The following ZSCAN4 variants were observed in gnomAD, a reference collection of about 807,000 sequenced individuals.
ZSCAN4 encodes zinc finger and SCAN domain-containing protein 4.
In ZSCAN4, 18 loss-of-function variants were observed where a neutral mutation model predicts 18.3. The observed-to-expected ratio is 0.98, with a 90% CI of 0.68 to 1.46. The LOEUF (loss-of-function observed/expected upper bound fraction) is 1.46. ZSCAN4 is among the 40% of genes most tolerant of loss of function. The pLI, the probability that ZSCAN4 is intolerant of heterozygous loss-of-function variation, is 0.00. For synonymous variants in ZSCAN4, 193 were observed against 180.3 expected (o/e 1.07, Z -0.57); for missense variants, 498 against 511.4 (o/e 0.97, Z 0.25).
At chr19:57,662,628 G>C in the ZSCAN4 span, among the ~76,000 whole-genome samples, 1,248 of 152,140 alleles carry the variant, frequency 8.2e-3, 13 homozygotes, top group African/African-American at 0.028. Flanking sequence ...GTGGCACAAT[G>C]TCAGCTCACT....
At chr19:57,667,866 A>T (rs10403851), upstream of ZSCAN4, among the ~76,000 whole-genome samples, 18 of 150,862 alleles carry the variant, frequency 1.2e-4, no homozygotes, top group African/African-American at 4.1e-4. Context: ...CATTGTCTAC[A>T]TTTTTCATTG....
intron 3 of ZSCAN4, among the ~76,000 whole-genome samples, chr19:57,677,339 G>A (rs1451430128): frequency 1.3e-5 from 2 of 152,148 alleles, no homozygotes; most frequent in Admixed American, 1.3e-4. Flanking sequence ...AGGTGAGGTT[G>A]AACAAGGCCA....
the ZSCAN4 span, among the ~76,000 whole-genome samples, chr19:57,654,892 C>T: frequency 6.6e-6 from 1 of 152,206 alleles, no homozygotes; most frequent in East Asian, 1.9e-4. Context: ...GACAGGCCCT[C>T]ACCAGGGACC....
intron 2 of ZSCAN4, among the ~76,000 whole-genome samples, chr19:57,675,175 T>G (rs1359684450): frequency 7.5e-6 from 1 of 133,308 alleles, no homozygotes; most frequent in Non-Finnish European, 1.5e-5. Flanking sequence ...TGAGACGGAG[T>G]CTTGCTCTGT....
chr19:57,673,830 T>C (rs1380522660), intron 2 of ZSCAN4, among the ~76,000 whole-genome samples: 1 of 152,158 alleles, frequency 6.6e-6, no homozygotes, highest in East Asian at 1.9e-4. Context: ...CTCAACTCAC[T>C]GCAACCTCTG....
chr19:57,667,353 T>C (rs1038831073), upstream of ZSCAN4, among the ~76,000 whole-genome samples: 7 of 152,182 alleles, frequency 4.6e-5, no homozygotes, highest in Non-Finnish European at 2.9e-5. Context: ...GCCTTCTTAA[T>C]GTAGCATTCA....
the ZSCAN4 span, among the ~76,000 whole-genome samples, chr19:57,653,474 G>A: frequency 6.7e-6 from 1 of 150,304 alleles, no homozygotes. Flanking sequence ...ACCACCTAAA[G>A]CCCTCAGGCC....
chr19:57,661,978 G>A, the ZSCAN4 span, among the ~76,000 whole-genome samples: 1,250 of 152,086 alleles, frequency 8.2e-3, 12 homozygotes, highest in African/African-American at 0.028. Flanking sequence ...CTACTCAGGA[G>A]GCTGAGGCAG....
chr19:57,659,376 C>T, the ZSCAN4 span, among the ~76,000 whole-genome samples: 10 of 151,024 alleles, frequency 6.6e-5, no homozygotes, highest in African/African-American at 2.4e-4. Flanking sequence ...TGACCTGACC[C>T]ACAAAAAATA....
chr19:57,667,662 G>T (rs992333062), upstream of ZSCAN4, among the ~76,000 whole-genome samples: 2 of 152,124 alleles, frequency 1.3e-5, no homozygotes, highest in Non-Finnish European at 2.9e-5. Flanking sequence ...TTACACACCA[G>T]CATGTCCAAC....
chr19:57,676,535 T>C (rs146885856), exon 3 of ZSCAN4: 24 of 1,612,238 alleles, frequency 1.5e-5, no homozygotes, highest in Non-Finnish European at 2.0e-5. Flanking sequence ...TAAATCCACC[T>C]GCCTTAGTGA....
chr19:57,658,735 G>C, the ZSCAN4 span, among the ~76,000 whole-genome samples: 1 of 151,038 alleles, frequency 6.6e-6, no homozygotes, highest in African/African-American at 2.4e-5. Flanking sequence ...TTGGGAGGCT[G>C]AGGCAGGAGA....
chr19:57,665,606 C>T (rs1483728471), upstream of ZSCAN4, among the ~76,000 whole-genome samples: 1 of 152,016 alleles, frequency 6.6e-6, no homozygotes, highest in African/African-American at 2.4e-5. Context: ...TGTGTTTGAC[C>T]TAAAGTCACC....
chr19:57,668,026 C>T (rs1005544018), upstream of ZSCAN4, among the ~76,000 whole-genome samples: 3 of 151,980 alleles, frequency 2.0e-5, no homozygotes, highest in African/African-American at 4.8e-5. Flanking sequence ...CTCAGGCTCC[C>T]GAGTACTTGG....
exon 5 of ZSCAN4, chr19:57,678,194 C>A (rs1984248320): frequency 6.2e-7 from 1 of 1,614,070 alleles, no homozygotes; most frequent in Non-Finnish European, 8.5e-7. Context: ...ATGGCTGGAA[C>A]AGTTCTTCGA....
upstream of ZSCAN4, chr19:57,664,541 G>A (rs1452025437): frequency 6.5e-6 from 1 of 153,012 alleles, no homozygotes; most frequent in African/African-American, 2.4e-5. Context: ...GGGGCCCCTG[G>A]GACAGTGAGA....
chr19:57,667,719 C>A (rs1225874054), upstream of ZSCAN4, among the ~76,000 whole-genome samples: 1 of 152,288 alleles, frequency 6.6e-6, no homozygotes. Flanking sequence ...CTCCTCCAAA[C>A]AGAAATTGCC....
chr19:57,671,497 A>G (rs1182890720), intron 2 of ZSCAN4, among the ~76,000 whole-genome samples: 1 of 64,392 alleles, frequency 1.6e-5, no homozygotes, highest in Admixed American at 1.3e-4. Flanking sequence ...GTTCCACAGG[A>G]AAAAAAAAAA....
chr19:57,653,725 C>T, the ZSCAN4 span, among the ~76,000 whole-genome samples: 3 of 152,214 alleles, frequency 2.0e-5, no homozygotes, highest in Non-Finnish European at 4.4e-5. Flanking sequence ...ATACAAAAAT[C>T]CTCAACCTCA....
Sources: gnomAD v4.1 joint callset for allele counts (sites outside exome capture counted in the v4.1 genomes callset) on GRCh38, gnomAD v4.1.1 for gene constraint, MANE v1.5 for transcripts, NCBI Gene and HGNC (gene_info 2026-07-23, HGNC 2026-07-21) for gene names.